KCNQ5: variants seen among roughly 807,000 people sequenced by gnomAD.
KCNQ5 encodes potassium voltage-gated channel subfamily KQT member 5.
KCNQ5 carries 30 observed loss-of-function variants against 98.2 expected under a neutral mutation model. That is an observed-to-expected ratio of 0.31 (90% CI 0.23 to 0.41). The LOEUF is 0.41. Among genes scored for constraint, KCNQ5 ranks in the 10% least tolerant of loss-of-function variants. KCNQ5 has a pLI of 1.00. For synonymous variants in KCNQ5, 458 were observed against 449.4 expected, an observed-to-expected ratio of 1.02 and a Z score of -0.24; for missense variants, 835 against 1,182.5, an observed-to-expected ratio of 0.71 and a Z score of 4.31.
In KCNQ5 at chr6:72,738,104, G is replaced by A. The variant is rs141075429; in HGVS notation, c.398+115517G>A. 3.4e-3 allele frequency among the ~76,000 whole-genome samples: 514 copies of A among 152,168 alleles called. 4 individuals are homozygous for A. Among genetic ancestry groups the A allele is most frequent in the African/African-American group, 0.012 (497 of 41,502 alleles). On this transcript the variant is annotated intron_variant, in intron 1 of 13. Transcript: ENST00000370398. The stretch of plus-strand genomic sequence containing the variant: ...CACGAGGTGGAGCCTGCAGTGAGCC[G>A]AGAGCATGCCACTGCACTCCAGCCT...
At chr6:73,192,840 C>G (rs1055491751) in intron 13 of KCNQ5, 149 bp downstream of exon 13, 2 of 629,146 alleles carry the variant, frequency 3.2e-6, no homozygotes, top group African/African-American at 3.8e-5. Context: ...TGTGTGTAGA[C>G]AGTGCTCTCT....
chr6:73,158,067 C>T (rs1777439743), intron 10 of KCNQ5: 1 of 570,590 alleles, frequency 1.8e-6, no homozygotes, highest in South Asian at 1.7e-5. Flanking sequence ...TCTTCCAGGA[C>T]GCCGCCGGAA....
At chr6:72,766,513 A>G (rs1272260379) in intron 1 of KCNQ5, among the ~76,000 whole-genome samples, 1 of 152,018 alleles carries the variant, frequency 6.6e-6, no homozygotes, top group Admixed American at 6.6e-5. Flanking sequence ...TTTGGAGACT[A>G]TTGGACTAAA....
At chr6:72,766,794 G>A (rs1772596032) in intron 1 of KCNQ5, among the ~76,000 whole-genome samples, 2 of 151,916 alleles carry the variant, frequency 1.3e-5, no homozygotes, top group African/African-American at 4.8e-5. Context: ...TTGCATTTGG[G>A]CATGTTAAGT....
At chr6:72,719,748 C>G (rs899111162) in intron 1 of KCNQ5, among the ~76,000 whole-genome samples, 1 of 152,148 alleles carries the variant, frequency 6.6e-6, no homozygotes, top group African/African-American at 2.4e-5. Flanking sequence ...AACAACTCCT[C>G]AGGGATTGGA....
At chr6:73,133,952 C>G (rs1467495133) in intron 10 of KCNQ5, 2 of 508,432 alleles carry the variant, frequency 3.9e-6, no homozygotes, top group Non-Finnish European at 7.9e-6. Flanking sequence ...ATGGGACTGT[C>G]ATTCTGATGT....
At chr6:72,800,611 G>A (rs1467451694) in intron 1 of KCNQ5, among the ~76,000 whole-genome samples, 1 of 152,232 alleles carries the variant, frequency 6.6e-6, no homozygotes, top group East Asian at 1.9e-4. Context: ...AGGGTTTTCT[G>A]TGTCTCTATT....
chr6:73,161,759 G>A (rs1457880480), intron 10 of KCNQ5, among the ~76,000 whole-genome samples: 1 of 152,090 alleles, frequency 6.6e-6, no homozygotes, highest in Non-Finnish European at 1.5e-5. Context: ...TAGAAATATG[G>A]TTTTTGGACA....
At chr6:73,105,422 G>C (rs1774960479) in intron 6 of KCNQ5, 55 bp downstream of exon 6, 1 of 1,033,866 alleles carries the variant, frequency 9.7e-7, no homozygotes. Context: ...AGACTTATTA[G>C]AGTGAGCTCT....
chr6:72,852,452 A>G (rs1399367996), intron 1 of KCNQ5, among the ~76,000 whole-genome samples: 1 of 151,256 alleles, frequency 6.6e-6, no homozygotes. Context: ...AAATCCTGTC[A>G]TTTGCAACAA....
chr6:73,038,051 T>C (rs1771519023), intron 2 of KCNQ5, among the ~76,000 whole-genome samples: 1 of 152,114 alleles, frequency 6.6e-6, no homozygotes, highest in African/African-American at 2.4e-5. Context: ...CTGATTTCTT[T>C]TATCTGCATT....
At chr6:73,153,018 T>G (rs1777215857) in intron 10 of KCNQ5, among the ~76,000 whole-genome samples, 1 of 152,218 alleles carries the variant, frequency 6.6e-6, no homozygotes, top group African/African-American at 2.4e-5. Flanking sequence ...TCTAAAGATT[T>G]CTATCTTCTG....
rs112394660 is a variant in KCNQ5, at chr6:72,951,444, A to ATT, written c.399-52447_399-52446dup. On this transcript the variant is annotated intron_variant, in intron 1 of 13. Transcript: ENST00000370398. ...AGGCACCAACCACCACACCCAGCAA[A>ATT]TTTTTTTTTTTTTTTTTTAAGTAGA... Among the ~76,000 whole-genome samples, 1,139 of 135,174 alleles carry ATT rather than the reference A, an allele frequency of 8.4e-3. 10 individuals are homozygous for ATT. Among genetic ancestry groups the ATT allele is most frequent in the African/African-American group, 0.022 (800 of 36,338 alleles). 88.7% of individuals were successfully genotyped at this position (135,174 alleles called of 152,430 possible).
intron 9 of KCNQ5, 72 bp from the exon 10 acceptor site, chr6:73,133,349 A>G: frequency 7.5e-7 from 1 of 1,328,462 alleles, no homozygotes; most frequent in Non-Finnish European, 1.1e-6. Flanking sequence ...CATGAGCTTC[A>G]TCAAATTACT....
In KCNQ5 at chr6:72,758,037, C is replaced by T. The variant is rs547850999; in HGVS notation, c.398+135450C>T. ...GTAAAGGGATATACAGAGCCTCAGT[C>T]TAAGTGCTGCAGGAGGCATGGACAG... On this transcript the variant is annotated intron_variant, in intron 1 of 13. Transcript: ENST00000370398. Among the ~76,000 whole-genome samples, 7 of 152,070 alleles carry T rather than the reference C, an allele frequency of 4.6e-5. No individual in the cohort carries two copies. The East Asian group carries it at 1.4e-3, about 30-fold the overall frequency.
At chr6:73,122,601 C>G (rs535437598) in intron 8 of KCNQ5, among the ~76,000 whole-genome samples, 1 of 152,176 alleles carries the variant, frequency 6.6e-6, no homozygotes, top group South Asian at 2.1e-4. Context: ...AATGACACAG[C>G]AGTCACTGGT....
At chr6:73,011,045 C>A (rs1013024689) in intron 2 of KCNQ5, among the ~76,000 whole-genome samples, 27 of 151,846 alleles carry the variant, frequency 1.8e-4, no homozygotes, top group African/African-American at 6.5e-4. Flanking sequence ...TTTAAAGGAC[C>A]CCCAAATTGC....
At chr6:73,077,932 GTTTTT>G (rs769127983) in intron 5 of KCNQ5, 45 bp downstream of exon 5, 1 of 1,450,610 alleles carries the variant, frequency 6.9e-7, no homozygotes, top group Admixed American at 2.2e-5. Context: ...GTTGTGAATT[GTTTTT>G]TTTTAATACA....
intron 1 of KCNQ5, among the ~76,000 whole-genome samples, chr6:72,763,157 A>T (rs1022721326): frequency 5.9e-5 from 9 of 151,960 alleles, no homozygotes; most frequent in Non-Finnish European, 8.8e-5. Flanking sequence ...ATATCTTTAT[A>T]TTTATTTTTC....
Sources: gnomAD v4.1 joint callset for allele counts (sites outside exome capture counted in the v4.1 genomes callset) on GRCh38, gnomAD v4.1.1 for gene constraint, MANE v1.5 for transcripts, NCBI Gene and HGNC (gene_info 2026-07-23, HGNC 2026-07-21) for gene names.